Variants in SCAI observed in about 807,000 individuals in gnomAD.
The protein encoded by SCAI is suppressor of cancer cell invasion.
SCAI carries 24 observed loss-of-function variants against 92.2 expected under a neutral mutation model. That is an observed-to-expected ratio of 0.26 (90% CI 0.19 to 0.37). SCAI has a LOEUF of 0.37. Ranked by LOEUF, SCAI falls within the 10% of genes least tolerant of loss-of-function variation. The pLI, the probability that SCAI is intolerant of heterozygous loss-of-function variation, is 1.00. For missense variants in SCAI, 450 were observed against 736.2 expected (o/e 0.61, Z 4.50); for synonymous variants, 261 against 258.6 (o/e 1.01, Z -0.09).
chr9:125,075,646 A>C (rs919871718), intron 2 of SCAI, among the ~76,000 whole-genome samples: 3 of 150,856 alleles, frequency 2.0e-5, no homozygotes, highest in South Asian at 2.1e-4. Flanking sequence ...CGCTCACAAC[A>C]ACCTCCGCCT....
intron 2 of SCAI, among the ~76,000 whole-genome samples, chr9:125,120,298 G>A (rs567758886): frequency 2.6e-4 from 40 of 152,322 alleles, no homozygotes; most frequent in African/African-American, 9.1e-4. Flanking sequence ...AAAACAAGGA[G>A]TAAAGAGATT....
At chr9:125,032,189 ATATATAT>A (rs1384042238) in intron 3 of SCAI, among the ~76,000 whole-genome samples, 1 of 81,306 alleles carries the variant, frequency 1.2e-5, no homozygotes, top group Non-Finnish European at 2.4e-5. Flanking sequence ...ATATATATAT[ATATATAT>A]TTTTTTTTTT....
intron 2 of SCAI, among the ~76,000 whole-genome samples, chr9:125,085,719 T>A (rs1834312325): frequency 6.6e-6 from 1 of 152,158 alleles, no homozygotes; most frequent in Admixed American, 6.5e-5. Context: ...AGGCTGAGAA[T>A]GCAGTGAGCC....
At chr9:125,136,950 G>C (rs1459194791) in intron 2 of SCAI, among the ~76,000 whole-genome samples, 1 of 150,720 alleles carries the variant, frequency 6.6e-6, no homozygotes, top group African/African-American at 2.4e-5. Context: ...TTAGAGATGG[G>C]GTTTCACCAT....
At chr9:125,062,736 C>A (rs827659) in intron 2 of SCAI, among the ~76,000 whole-genome samples, 108,976 of 150,274 alleles carry the variant, frequency 0.73, 40,138 homozygotes, top group Non-Finnish European at 0.81. Context: ...AACAAACAAA[C>A]AAAGGCCGGG....
At chr9:124,953,224 A>G (rs1831259012) in intron 17 of SCAI, among the ~76,000 whole-genome samples, 2 of 152,222 alleles carry the variant, frequency 1.3e-5, no homozygotes, top group South Asian at 4.1e-4. Flanking sequence ...TATGCTCTGT[A>G]TCACGTGGAA....
intron 2 of SCAI, among the ~76,000 whole-genome samples, chr9:125,104,801 T>C (rs1163238568): frequency 1.3e-5 from 2 of 151,654 alleles, no homozygotes; most frequent in Non-Finnish European, 2.9e-5. Context: ...CTACTAAAAA[T>C]ACAAAAATTA....
rs536499422 is a variant in SCAI at position 124,976,824 on chromosome 9, A to AT, written c.1327-639dup. On this transcript the variant is annotated intron_variant, in intron 14 of 17. Transcript: ENST00000336505. ...AAATAAAAAATCAAACAACAAAAAC[A>AT]TTTTTTAAAATACTCTTGAATGAAG... is the stretch of plus-strand genomic sequence containing the variant. Among the ~76,000 whole-genome samples, 1,035 of 152,246 alleles carry AT rather than the reference A, an allele frequency of 6.8e-3. 8 individuals are homozygous for AT. Among genetic ancestry groups the AT allele is most frequent in the Non-Finnish European group, 0.01 (683 of 68,010 alleles).
intron 2 of SCAI, among the ~76,000 whole-genome samples, chr9:125,073,452 G>A (rs545923172): frequency 3.3e-5 from 5 of 152,194 alleles, no homozygotes; most frequent in African/African-American, 1.2e-4. Flanking sequence ...CACAGTGGCT[G>A]TATCATTTTA....
chr9:124,965,845 G>C (rs1272019830), intron 17 of SCAI, among the ~76,000 whole-genome samples: 1 of 152,068 alleles, frequency 6.6e-6, no homozygotes, highest in South Asian at 2.1e-4. Flanking sequence ...GGATCCCATG[G>C]TGTTATGCAA....
At chr9:125,012,930 C>T (rs1832670183) in intron 9 of SCAI, among the ~76,000 whole-genome samples, 1 of 151,026 alleles carries the variant, frequency 6.6e-6, no homozygotes, top group Admixed American at 6.6e-5. Flanking sequence ...TGAATGACTA[C>T]TGGGTACATA....
chr9:125,029,581 G>A (rs1012486812), intron 4 of SCAI, 63 bp downstream of exon 4: 5 of 929,210 alleles, frequency 5.4e-6, no homozygotes, highest in Non-Finnish European at 8.3e-6. Flanking sequence ...AAGTAGTGAA[G>A]ATAAAAACTG....
chr9:125,008,400 G>A (rs974934875), intron 9 of SCAI, among the ~76,000 whole-genome samples: 4 of 152,110 alleles, frequency 2.6e-5, no homozygotes, highest in African/African-American at 9.7e-5. Context: ...GCCTCCCAAA[G>A]TAATGGGATT....
At chr9:125,099,950 C>T (rs1834644819) in intron 2 of SCAI, among the ~76,000 whole-genome samples, 2 of 152,306 alleles carry the variant, frequency 1.3e-5, no homozygotes, top group South Asian at 4.1e-4. Context: ...CAATGGACAT[C>T]CGGGTTGTGT....
rs1464990663 is a variant in SCAI at position 125,018,879 on chromosome 9, C to A, written c.781G>T (p.Ala261Ser). ...ATCATGCCCTGTTCCAGCAATGGGGCTCCTGTTTCAGCAAGGCGATTCGAT... is the reference window on the plus strand; with the variant it reads ...ATCATGCCCTGTTCCAGCAATGGGGATCCTGTTTCAGCAAGGCGATTCGAT... ...ITSNRLAETG[A>S]PLLEQGMIVG... Residue 261 changes from alanine to serine, a missense_variant, in exon 9 of 18, where the codon GCC becomes TCC. By Grantham distance (99) the Ala-to-Ser change is moderately conservative. Around this residue, in one of 3 missense-constraint regions of SCAI, gnomAD observed 360 missense variants for 601.8 expected, o/e 0.60. Coordinates refer to ENST00000336505, the MANE Select transcript of SCAI (RefSeq NM_001144877.3). 6.2e-7 allele frequency: 1 copy of A among 1,613,954 alleles called. No homozygotes were observed. Among genetic ancestry groups the A allele is most frequent in the Non-Finnish European group, 8.5e-7 (1 of 1,179,916 alleles).
At chr9:124,986,604 C>T (rs1831995693) in intron 14 of SCAI, among the ~76,000 whole-genome samples, 1 of 152,038 alleles carries the variant, frequency 6.6e-6, no homozygotes, top group Admixed American at 6.6e-5. Flanking sequence ...GCTTAGATAC[C>T]ATCGATATGT....
At chr9:125,093,841 G>A (rs779064592) in intron 2 of SCAI, among the ~76,000 whole-genome samples, 1 of 152,040 alleles carries the variant, frequency 6.6e-6, no homozygotes, top group African/African-American at 2.4e-5. Context: ...TGGGATTACA[G>A]GCGTGAGCCA....
intron 2 of SCAI, among the ~76,000 whole-genome samples, chr9:125,077,766 C>T (rs1005920430): frequency 3.3e-5 from 5 of 151,948 alleles, no homozygotes; most frequent in African/African-American, 1.2e-4. Flanking sequence ...TCGCCCAGGC[C>T]GGAGTTTAGT....
intron 2 of SCAI, among the ~76,000 whole-genome samples, chr9:125,066,795 T>C (rs1266756824): frequency 6.6e-6 from 1 of 152,146 alleles, no homozygotes; most frequent in Non-Finnish European, 1.5e-5. Context: ...GGAACCATTT[T>C]TTAATCTCTT....
Sources: gnomAD v4.1 joint callset for allele counts (sites outside exome capture counted in the v4.1 genomes callset) on GRCh38, gnomAD v4.1.1 for gene constraint, gnomAD v4.1.1 regional missense constraint, MANE v1.5 for transcripts, NCBI Gene and HGNC (gene_info 2026-07-23, HGNC 2026-07-21) for gene names.